Variants in RHEBL1 observed in about 807,000 individuals in gnomAD.
RHEBL1 encodes the protein GTPase RhebL1.
Under a neutral mutation model 27.4 loss-of-function variants are expected in RHEBL1, and 22 were observed. The observed-to-expected ratio is 0.80, with a 90% CI of 0.57 to 1.15. RHEBL1 has a LOEUF of 1.15. Ranked by LOEUF, RHEBL1 falls within the 50% of genes most tolerant of loss-of-function variation. The pLI, the probability that RHEBL1 is intolerant of heterozygous loss-of-function variation, is 0.00. For missense variants in RHEBL1, 186 were observed against 226.5 expected (o/e 0.82, Z 1.15); for synonymous variants, 85 against 80.8 (o/e 1.05, Z -0.28).
chr12:49,065,475 A>G (rs1938981444), intron 6 of RHEBL1, 44 bp from the exon 7 acceptor site: 1 of 1,501,242 alleles, frequency 6.7e-7, no homozygotes, highest in African/African-American at 1.4e-5. Context: ...TAGAAATGTC[A>G]GTAAGTGCTC....
chr12:49,069,037 T>C lies in RHEBL1; in HGVS notation c.122A>G (p.Asn41Ser). ...CACTAGGGGAGAAGTCTACTCACTA[T>C]TCTCCACTGTAGGATCGTAGCCTTC... ...FSEGYDPTVE[N>S]TYSKIVTLGK... Residue 41 changes from asparagine to serine, a missense_variant and splice_region_variant, in exon 2 of 8, where the codon AAT becomes AGT. Around this residue, in one of 3 missense-constraint regions of RHEBL1, gnomAD observed 62 missense variants for 62.1 expected, o/e 1.00. Transcript: ENST00000301068. 4 of 1,613,428 alleles carry C rather than the reference T, an allele frequency of 2.5e-6. No individual in the cohort carries two copies. The highest frequency in any genetic ancestry group is 3.4e-6 in the Non-Finnish European group (4 of 1,179,564).
Position 49,066,661 on chromosome 12 carries a change from AC to A in RHEBL1, c.232del (p.Val78SerfsTer39). 2 of 1,614,214 alleles carry A rather than the reference AC, an allele frequency of 1.2e-6. No individual in the cohort carries two copies. Among genetic ancestry groups the A allele is most frequent in the Non-Finnish European group, 1.7e-6 (2 of 1,180,034 alleles). On this transcript the variant is annotated frameshift_variant, in exon 4 of 8. Transcript: ENST00000301068. LOFTEE classifies it high-confidence loss of function. ...AGAATACACAAGCACATAACCATGG[AC>A]CCCAATGATGAATGAATAGGGCAGA... Reference protein sequence around the residue: ...SILPYSFIIGVHGYVLVYSVT... With the variant: ...SILPYSFIIGXHGYVLVYSVT...
intron 5 of RHEBL1, 84 bp downstream of exon 5, chr12:49,066,392 C>G (rs755706621): frequency 2.9e-5 from 45 of 1,552,896 alleles, no homozygotes; most frequent in African/African-American, 2.6e-4. Context: ...ATCCGAGCCT[C>G]CTCTCTAACT....
rs999636438 is a variant in RHEBL1, at chr12:49,066,982, C to T, written c.178G>A (p.Asp60Asn). ...GKDEFHLHLV[D>N]TAGQDEYSIL... ...CCAACTGGTACCTGCCCTGCTGTGT[C>T]CACCAGATGTAGGTGAAACTCATCT... The change falls in exon 3 of 8, where the codon GAC becomes AAC. Residue 60 changes from aspartate to asparagine, a missense_variant. Asp to Asn is a conservative substitution (Grantham distance 23). Transcript: ENST00000301068. 1 of 1,613,592 alleles carries T rather than the reference C, an allele frequency of 6.2e-7. No individual in the cohort carries two copies. The highest frequency in any genetic ancestry group is 1.3e-5 in the African/African-American group (1 of 74,884).
chr12:49,066,706 C>A lies in RHEBL1; in HGVS notation c.193-5G>T. 1.9e-6 allele frequency: 3 copies of A among 1,613,202 alleles called. No homozygotes were observed. The highest frequency in any genetic ancestry group is 2.5e-6 in the Non-Finnish European group (3 of 1,179,202). ...GGGCAGAATGCTGTACTCATCCTGG[C>A]AAGAAATGGGAAACATCAGTACCTA... On this transcript the variant is annotated splice_region_variant and splice_polypyrimidine_tract_variant and intron_variant, in intron 3 of 7. Coordinates refer to ENST00000301068, the MANE Select transcript of RHEBL1 (RefSeq NM_144593.3).
At position 49,069,813 on chromosome 12, in the gene RHEBL1, G is replaced by A; in HGVS notation, c.-28C>T. 1 of 1,610,652 alleles carries A rather than the reference G, an allele frequency of 6.2e-7. No homozygotes were observed. Among genetic ancestry groups the A allele is most frequent in the Non-Finnish European group, 8.5e-7 (1 of 1,177,554 alleles). ...CAGGAGCCCGCCCCAGGGGCTTGCG[G>A]AACTGCGGGCTCAGAGAGCCCGAAA... is the stretch of plus-strand genomic sequence containing the variant. On this transcript the variant is annotated 5_prime_UTR_variant, in exon 1 of 8. Coordinates refer to ENST00000301068, the MANE Select transcript of RHEBL1 (RefSeq NM_144593.3).
At position 49,069,107 on chromosome 12, in the gene RHEBL1, C is replaced by G; in HGVS notation, c.53-1G>C. The G allele has an allele frequency of 6.2e-7, 1 of 1,614,154 alleles. No homozygotes were observed. Among genetic ancestry groups the G allele is most frequent in the Non-Finnish European group, 8.5e-7 (1 of 1,180,006 alleles). ...AATTGATGTGCCAAAGATGTCTTCC[C>G]TGTGGGGAGCAGTGTGACAGTTGTA... is the stretch of plus-strand genomic sequence containing the variant. On this transcript the variant is annotated splice_acceptor_variant, in intron 1 of 7. Coordinates refer to ENST00000301068, the MANE Select transcript of RHEBL1 (RefSeq NM_144593.3). LOFTEE classifies it high-confidence loss of function.
In RHEBL1 at chr12:49,066,545, G is replaced by C; in HGVS notation, c.276-13C>G. ...AATGACTTGGAAGCTTTAAACACAA[G>C]AATTGGAGCTATAACTTTATGAGAC... On this transcript the variant is annotated splice_polypyrimidine_tract_variant and intron_variant, in intron 4 of 7. Transcript: ENST00000301068. The C allele has an allele frequency of 6.2e-7, 1 of 1,614,046 alleles. No individual in the cohort carries two copies. The highest frequency in any genetic ancestry group is 8.5e-7 in the Non-Finnish European group (1 of 1,180,014).
In RHEBL1 at chr12:49,064,964, A is replaced by G; in HGVS notation, c.*139T>C. 1 of 657,566 alleles carries G rather than the reference A, an allele frequency of 1.5e-6. No homozygotes were observed. The highest frequency in any genetic ancestry group is 1.7e-5 in the South Asian group (1 of 57,890). 40.7% of individuals were successfully genotyped at this position (657,566 alleles called of 1,614,324 possible). ...TGGAGCCTGGGGAAAGTGTGCAAAC[A>G]TGAGGATGCCACACTGTGTGTCCAG... is the stretch of plus-strand genomic sequence containing the variant. On this transcript the variant is annotated 3_prime_UTR_variant, in exon 8 of 8. Coordinates refer to ENST00000301068, the MANE Select transcript of RHEBL1 (RefSeq NM_144593.3).
chr12:49,069,801 C>T lies in RHEBL1; in HGVS notation c.-16G>A. On this transcript the variant is annotated 5_prime_UTR_variant, in exon 1 of 8. Coordinates refer to ENST00000301068, the MANE Select transcript of RHEBL1 (RefSeq NM_144593.3). ...CTAGCGGCATGGCAGGAGCCCGCCC[C>T]AGGGGCTTGCGGAACTGCGGGCTCA... The T allele has an allele frequency of 6.2e-7, 1 of 1,613,160 alleles. No individual in the cohort carries two copies. Among genetic ancestry groups the T allele is most frequent in the East Asian group, 2.2e-5 (1 of 44,888 alleles).
In RHEBL1 at chr12:49,068,976, G is replaced by A. The variant is rs1002797906; in HGVS notation, c.124+59C>T. ...GAGAAATAAATTATGGAGTTGGGTG[G>A]GGTATCCAAGCCCTCCGGGTCGCAT... On this transcript the variant is annotated intron_variant, in intron 2 of 7. Transcript: ENST00000301068. The A allele has an allele frequency of 2.0e-6, 3 of 1,517,432 alleles. No homozygotes were observed. The African/African-American group carries it at 4.2e-5, about 21-fold the overall frequency. The allele number at this position is 1,517,432 out of a possible 1,614,324, so 94.0% of individuals were successfully genotyped here. A position where few individuals can be genotyped will look rare whatever the true frequency, so the allele number is the denominator to read the frequency against.
In RHEBL1 at chr12:49,069,039, C is replaced by T. The variant is rs150728495; in HGVS notation, c.120G>A (p.Glu40=). ...CTAGGGGAGAAGTCTACTCACTATT[C>T]TCCACTGTAGGATCGTAGCCTTCCG... The part of the protein sequence containing the change: ...EFSEGYDPTV[E]NTYSKIVTLG... The change falls in exon 2 of 8, where the codon GAG becomes GAA. Residue 40 remains glutamate, a synonymous_variant. Transcript: ENST00000301068. 10 of 1,613,306 alleles carry T rather than the reference C, an allele frequency of 6.2e-6. No homozygotes were observed. In the African/African-American group the frequency reaches 1.3e-4, roughly 22 times the overall value.
intron 5 of RHEBL1, 77 bp downstream of exon 5, chr12:49,066,399 A>G: frequency 6.4e-7 from 1 of 1,562,254 alleles, no homozygotes; most frequent in South Asian, 1.1e-5. Flanking sequence ...CCTCCTCTCT[A>G]ACTTGACAAT....
Position 49,069,080 on chromosome 12 carries a change from C to G in RHEBL1, c.79G>C (p.Val27Leu). 1.2e-6 allele frequency: 2 copies of G among 1,614,206 alleles called. No homozygotes were observed. ...TAGCCTTCCGAGAACTCGCCTTCCA[C>G]AAATTGATGTGCCAAAGATGTCTTC... ...VGKTSLAHQF[V>L]EGEFSEGYDP... The change falls in exon 2 of 8, where the codon GTG becomes CTG. Residue 27 changes from valine (V) to leucine (L), a missense_variant. Transcript: ENST00000301068.
chr12:49,068,599 C>T (rs1241809492), intron 2 of RHEBL1, among the ~76,000 whole-genome samples: 1 of 151,478 alleles, frequency 6.6e-6, no homozygotes, highest in Non-Finnish European at 1.5e-5. Flanking sequence ...CCATGCCCAG[C>T]TAATTTTGGT....
At chr12:49,068,641 G>A (rs1404804825) in intron 2 of RHEBL1, among the ~76,000 whole-genome samples, 1 of 151,950 alleles carries the variant, frequency 6.6e-6, no homozygotes, top group Non-Finnish European at 1.5e-5. Context: ...TCACCATGTT[G>A]GCCAGGTTGG....
At chr12:49,068,997 C>G in intron 2 of RHEBL1, 38 bp downstream of exon 2, 1 of 1,581,604 alleles carries the variant, frequency 6.3e-7, no homozygotes, top group Non-Finnish European at 8.6e-7. Context: ...CCCTCCGGGT[C>G]GCATACCACC....
chr12:49,066,713 T>A lies in RHEBL1; in HGVS notation c.193-12A>T, dbSNP rs1349182021. 6.2e-7 allele frequency: 1 copy of A among 1,611,508 alleles called. No homozygotes were observed. Among genetic ancestry groups the A allele is most frequent in the East Asian group, 2.2e-5 (1 of 44,860 alleles). ...ATGCTGTACTCATCCTGGCAAGAAA[T>A]GGGAAACATCAGTACCTAGATCCAA... is the stretch of plus-strand genomic sequence containing the variant. On this transcript the variant is annotated splice_polypyrimidine_tract_variant and intron_variant, in intron 3 of 7. Coordinates refer to ENST00000301068, the MANE Select transcript of RHEBL1 (RefSeq NM_144593.3).
chr12:49,067,062 G>A (rs753829285), intron 2 of RHEBL1, 27 bp from the exon 3 acceptor site: 3 of 1,540,866 alleles, frequency 1.9e-6, no homozygotes, highest in Non-Finnish European at 2.7e-6. Flanking sequence ...ACTTGACTGT[G>A]AAGTGCCTTA....
Sources: gnomAD v4.1 joint callset for allele counts (sites outside exome capture counted in the v4.1 genomes callset) on GRCh38, gnomAD v4.1.1 for gene constraint, gnomAD v4.1.1 regional missense constraint, MANE v1.5 for transcripts, NCBI Gene and HGNC (gene_info 2026-07-23, HGNC 2026-07-21) for gene names.